DMC1: variants seen among roughly 807,000 people sequenced by gnomAD.
DMC1 encodes the protein meiotic recombination protein DMC1 homolog.
Under a neutral mutation model 50.1 loss-of-function variants are expected in DMC1, and 27 were observed. The observed-to-expected ratio is 0.54, with a 90% CI of 0.40 to 0.74. The LOEUF (loss-of-function observed/expected upper bound fraction) is 0.74. Ranked by LOEUF, DMC1 falls within the 30% of genes least tolerant of loss-of-function variation. The pLI is 0.00. For synonymous variants in DMC1, 148 were observed against 136.1 expected, an observed-to-expected ratio of 1.09 and a Z score of -0.61; for missense variants, 295 against 420.2, an observed-to-expected ratio of 0.70 and a Z score of 2.60.
chr22:38,550,073 A>T, intron 7 of DMC1, 76 bp from the exon 8 acceptor site: 1 of 1,055,246 alleles, frequency 9.5e-7, no homozygotes, highest in South Asian at 1.4e-5. Context: ...TACACATGGA[A>T]TCTGCTGTTG....
intron 11 of DMC1, among the ~76,000 whole-genome samples, chr22:38,537,974 C>G (rs1452529586): frequency 6.6e-6 from 1 of 152,006 alleles, no homozygotes; most frequent in Non-Finnish European, 1.5e-5. Flanking sequence ...GAAACCCCGT[C>G]TCTACTAAAT....
Position 38,542,834 on chromosome 22 carries a change from C to T in DMC1, c.495-3422G>A, listed in dbSNP as rs139825348. 1.5e-3 allele frequency among the ~76,000 whole-genome samples: 235 copies of T among 152,172 alleles called. 2 individuals are homozygous for T. Among genetic ancestry groups the T allele is most frequent in the African/African-American group, 5.1e-3 (211 of 41,522 alleles). On this transcript the variant is annotated intron_variant, in intron 8 of 13. Coordinates refer to ENST00000216024, the MANE Select transcript of DMC1 (RefSeq NM_007068.4). ...TAGAGCTATAGTATCCAAAACAGCA[C>T]GGTATGGGCATAAAAACAGATGCAT...
chr22:38,546,344 G>A (rs983109425), intron 8 of DMC1, among the ~76,000 whole-genome samples: 1 of 151,786 alleles, frequency 6.6e-6, no homozygotes, highest in Non-Finnish European at 1.5e-5. Context: ...AGCCGAGATC[G>A]CACCATTGCA....
At position 38,562,772 on chromosome 22, in the gene DMC1, T is replaced by C. The variant is rs1188126480; in HGVS notation, c.244-403A>G. The stretch of plus-strand genomic sequence containing the variant: ...CACACGTTATATACACATATATACA[T>C]ATATGTGTATACATATACATATATA... On this transcript the variant is annotated intron_variant, in intron 4 of 13. Transcript: ENST00000216024. 2.6e-5 allele frequency among the ~76,000 whole-genome samples: 4 copies of C among 152,066 alleles called. No homozygotes were observed. The South Asian group carries it at 6.3e-4, about 24-fold the overall frequency.
chr22:38,568,285 C>A lies in DMC1; in HGVS notation c.-29G>T. ...GAAAAGTGGGCAACAGAAAAATAAT[C>A]ACTTCTGGGAAAATAAGAAATATTA... On this transcript the variant is annotated 5_prime_UTR_variant, in exon 2 of 14. Coordinates refer to ENST00000216024, the MANE Select transcript of DMC1 (RefSeq NM_007068.4). 1 of 1,611,014 alleles carries A rather than the reference C, an allele frequency of 6.2e-7. No individual in the cohort carries two copies.
chr22:38,527,516 C>CTT (rs891065117), intron 12 of DMC1, among the ~76,000 whole-genome samples: 43 of 127,262 alleles, frequency 3.4e-4, no homozygotes, highest in African/African-American at 4.1e-4. Context: ...CCTTTTTCTC[C>CTT]TTTTTTTTTT....
chr22:38,556,337 G>A (rs946624840), intron 5 of DMC1, among the ~76,000 whole-genome samples: 2 of 152,042 alleles, frequency 1.3e-5, no homozygotes, highest in Non-Finnish European at 2.9e-5. Flanking sequence ...CAAGAGATCT[G>A]CCCACCTTGG....
At chr22:38,531,595 T>C (rs1260897460) in intron 12 of DMC1, among the ~76,000 whole-genome samples, 2 of 152,170 alleles carry the variant, frequency 1.3e-5, no homozygotes, top group Non-Finnish European at 2.9e-5. Flanking sequence ...TCCTTTTTTT[T>C]CCCATTTAGC....
intron 12 of DMC1, among the ~76,000 whole-genome samples, chr22:38,534,286 C>T (rs1371128426): frequency 6.6e-6 from 1 of 152,104 alleles, no homozygotes; most frequent in Non-Finnish European, 1.5e-5. Flanking sequence ...TATATTGTGG[C>T]TATGTAGAAG....
chr22:38,548,495 A>G (rs1280027173), intron 8 of DMC1, among the ~76,000 whole-genome samples: 2 of 152,044 alleles, frequency 1.3e-5, no homozygotes, highest in Non-Finnish European at 2.9e-5. Flanking sequence ...GGATCACTTG[A>G]CCCTGGGAGT....
chr22:38,550,083 G>C (rs1400828041), intron 7 of DMC1, 86 bp from the exon 8 acceptor site: 1 of 955,110 alleles, frequency 1.0e-6, no homozygotes, highest in Middle Eastern at 2.6e-4. Context: ...ATCTGCTGTT[G>C]CAACTCTTTA....
At chr22:38,523,003 G>C (rs1410030456) in intron 12 of DMC1, among the ~76,000 whole-genome samples, 1 of 152,188 alleles carries the variant, frequency 6.6e-6, no homozygotes, top group African/African-American at 2.4e-5. Flanking sequence ...AGCTACTTGA[G>C]AGGCTGAAGC....
At chr22:38,529,923 G>A (rs777469554) in intron 12 of DMC1, among the ~76,000 whole-genome samples, 5 of 152,042 alleles carry the variant, frequency 3.3e-5, no homozygotes, top group Admixed American at 1.3e-4. Flanking sequence ...TGGCATTTTC[G>A]AGAAGTGGTC....
At chr22:38,515,523 G>A (rs1909837974), downstream of DMC1, among the ~76,000 whole-genome samples, 1 of 151,524 alleles carries the variant, frequency 6.6e-6, no homozygotes, top group Non-Finnish European at 1.5e-5. Flanking sequence ...AAGTAGCAGG[G>A]CACGGTGGCT....
chr22:38,561,375 C>T (rs1162006314), intron 5 of DMC1, among the ~76,000 whole-genome samples: 1 of 151,876 alleles, frequency 6.6e-6, no homozygotes, highest in Admixed American at 6.6e-5. Flanking sequence ...TTTTTTCCTC[C>T]TTGTAATTTA....
At chr22:38,527,179 GT>G (rs932559142) in intron 12 of DMC1, among the ~76,000 whole-genome samples, 3 of 151,882 alleles carry the variant, frequency 2.0e-5, no homozygotes, top group Admixed American at 1.3e-4. Context: ...GAAGAAAATT[GT>G]TTAACCATTC....
chr22:38,513,502 GC>G, the DMC1 span, among the ~76,000 whole-genome samples: 4 of 152,162 alleles, frequency 2.6e-5, no homozygotes, highest in Non-Finnish European at 5.9e-5. Context: ...GGTGTCTAAG[GC>G]CCAATCCTTC....
chr22:38,536,451 T>C (rs2090214030), intron 12 of DMC1, among the ~76,000 whole-genome samples: 1 of 152,232 alleles, frequency 6.6e-6, no homozygotes, highest in Non-Finnish European at 1.5e-5. Flanking sequence ...TGTGTGTTTC[T>C]ATTCACTGCC....
downstream of DMC1, among the ~76,000 whole-genome samples, chr22:38,516,524 T>C (rs2089977851): frequency 6.6e-6 from 1 of 152,204 alleles, no homozygotes; most frequent in Admixed American, 6.5e-5. Flanking sequence ...CCAGGGAATC[T>C]CTAGGAGATG....
Sources: allele counts gnomAD v4.1 joint callset (sites outside exome capture counted in the v4.1 genomes callset), GRCh38; gene constraint gnomAD v4.1.1; transcripts MANE v1.5; gene names NCBI Gene and HGNC (gene_info 2026-07-23, HGNC 2026-07-21).